Variants in LGI2 observed in about 807,000 individuals in gnomAD.
LGI2 encodes leucine-rich repeat LGI family member 2.
In LGI2, 30 loss-of-function variants were observed where a neutral mutation model predicts 52.0. The ratio of observed to expected loss-of-function variants is 0.58; its 90% CI spans 0.43 to 0.78. LGI2 has a LOEUF of 0.78. LGI2 is among the 30% of genes least tolerant of loss of function. The pLI, the probability that LGI2 is intolerant of heterozygous loss-of-function variation, is 0.00. For synonymous variants in LGI2, 270 were observed against 271.8 expected, an observed-to-expected ratio of 0.99 and a Z score of 0.06; for missense variants, 573 against 692.5, an observed-to-expected ratio of 0.83 and a Z score of 1.94.
chr4:25,004,084 G>A lies in LGI2; in HGVS notation c.1005C>T (p.Asp335=), dbSNP rs770238612. ...KPNDIELFQI[D]DETFFVIADS... is the part of the protein sequence containing the mutation. ...CTGCGATGACAAAGAACGTCTCGTC[G>A]TCGATCTGAAACAGCTCGATGTCAT... Residue 335 remains aspartate, a synonymous_variant, in exon 8 of 8, where the codon GAC becomes GAT. Coordinates refer to ENST00000382114, the MANE Select transcript of LGI2 (RefSeq NM_018176.4). This position sits in a 1 kb window ranked among gnomAD's most constrained non-coding sequence, Gnocchi z 4.6. 49 of 1,613,998 alleles carry A rather than the reference G, an allele frequency of 3.0e-5. No individual in the cohort carries two copies. Among genetic ancestry groups the A allele is most frequent in the Admixed American group, 5.0e-5 (3 of 60,000 alleles).
rs760137894 is a variant in LGI2 at position 25,003,878 on chromosome 4, C to A, written c.1211G>T (p.Ser404Ile). Residue 404 changes from serine (S) to isoleucine (I), a missense_variant, in exon 8 of 8, where the codon AGC becomes ATC. Coordinates refer to ENST00000382114, the MANE Select transcript of LGI2 (RefSeq NM_018176.4). ...QVPIILQWNK[S>I]SKKFVPHGDI... ...ACCATGGGGGACAAACTTCTTAGAG[C>A]TTTTATTCCACTGGAGGATGATGGG... The A allele has an allele frequency of 1.9e-6, 3 of 1,614,158 alleles. No homozygotes were observed. Among genetic ancestry groups the A allele is most frequent in the Non-Finnish European group, 2.5e-6 (3 of 1,180,022 alleles).
At chr4:25,027,031 T>C in intron 2 of LGI2, 92 bp from the exon 3 acceptor site, 1 of 976,170 alleles carries the variant, frequency 1.0e-6, no homozygotes, top group South Asian at 1.3e-5. Flanking sequence ...TTTTGATCTG[T>C]GGGCAAACAT....
At chr4:25,009,886 G>A (rs182717483) in intron 7 of LGI2, among the ~76,000 whole-genome samples, 151 of 152,118 alleles carry the variant, frequency 9.9e-4, no homozygotes, top group African/African-American at 3.3e-3. Context: ...CACCTGCCTC[G>A]GCCTCCCAAA....
intron 1 of LGI2, among the ~76,000 whole-genome samples, chr4:25,030,014 C>T (rs1726276521): frequency 6.6e-6 from 1 of 152,160 alleles, no homozygotes; most frequent in African/African-American, 2.4e-5. Context: ...GAGGCCTCAC[C>T]CTGCCCAGTT....
chr4:25,028,447 G>A lies in LGI2; in HGVS notation c.269+60C>T, dbSNP rs557110609. 5.1e-4 allele frequency: 759 copies of A among 1,484,248 alleles called. 8 individuals are homozygous for A. In the South Asian group the frequency reaches 8.2e-3, roughly 16 times the overall value. The allele number at this position is 1,484,248 out of a possible 1,614,324, so 91.9% of individuals were successfully genotyped here. On this transcript the variant is annotated intron_variant, in intron 2 of 7. Transcript: ENST00000382114. The stretch of plus-strand genomic sequence containing the variant: ...GGCTGATACCAAAGAGGCAGAGACG[G>A]CCCTCCAAGGATGGCACCTCAGGGC...
downstream of LGI2, among the ~76,000 whole-genome samples, chr4:24,998,525 G>A (rs1725145646): frequency 6.6e-6 from 1 of 152,174 alleles, no homozygotes; most frequent in Non-Finnish European, 1.5e-5. Context: ...ACGAAGTCTT[G>A]CAATCTCACT....
chr4:25,026,402 A>G (rs1726153065), intron 3 of LGI2, among the ~76,000 whole-genome samples: 2 of 152,170 alleles, frequency 1.3e-5, no homozygotes, highest in Admixed American at 1.3e-4. Context: ...TTAGACCCTC[A>G]GTAGCAATTC....
intron 7 of LGI2, among the ~76,000 whole-genome samples, chr4:25,006,074 A>G (rs1048033069): frequency 1.3e-5 from 2 of 152,242 alleles, no homozygotes; most frequent in Non-Finnish European, 2.9e-5. Flanking sequence ...TGTCACTATA[A>G]TCACAAGACC....
chr4:25,019,829 C>T (rs898086787), intron 4 of LGI2, among the ~76,000 whole-genome samples: 1 of 152,216 alleles, frequency 6.6e-6, no homozygotes, highest in Non-Finnish European at 1.5e-5. Flanking sequence ...TGGTACACTA[C>T]ATATTTTAAT....
chr4:25,003,165 A>T lies in LGI2; in HGVS notation c.*286T>A, dbSNP rs935249954. 5 of 252,488 alleles carry T rather than the reference A, an allele frequency of 2.0e-5. No homozygotes were observed. Among genetic ancestry groups the T allele is most frequent in the African/African-American group, 1.1e-4 (5 of 44,950 alleles). The allele number at this position is 252,488 out of a possible 1,614,324, so 15.6% of individuals were successfully genotyped here. ...CTTCCTCATCAAAAAGCGGGGGGGA[A>T]GCATATTACATTTCTAGATGATAAG... On this transcript the variant is annotated 3_prime_UTR_variant, in exon 8 of 8. Transcript: ENST00000382114.
intron 4 of LGI2, 118 bp downstream of exon 4, chr4:25,024,701 TG>T: frequency 1.5e-6 from 1 of 646,938 alleles, no homozygotes; most frequent in South Asian, 2.2e-5. Flanking sequence ...AGAAACCTCT[TG>T]AGTAATCTAG....
Position 25,030,639 on chromosome 4 carries a change from C to CCAGCAG in LGI2, c.49_54dup (p.Leu17_Leu18dup), listed in dbSNP as rs761373892. 3.9e-6 allele frequency: 6 copies of CCAGCAG among 1,542,732 alleles called. No homozygotes were observed. The highest frequency in any genetic ancestry group is 2.0e-5 in the Admixed American group (1 of 50,666). ...CTCCGCGGTATCAGGCACGCGGCGCCCAGCAGCAGCAGCAGCAGCCCGAGC... is the reference window on the plus strand; with the variant it reads ...CTCCGCGGTATCAGGCACGCGGCGCCCAGCAGCAGCAGCAGCAGCAGCAGCCCGAGC... On this transcript the variant is annotated inframe_insertion, in exon 1 of 8. Coordinates refer to ENST00000382114, the MANE Select transcript of LGI2 (RefSeq NM_018176.4).
At chr4:25,019,559 C>T (rs1417747221) in intron 4 of LGI2, among the ~76,000 whole-genome samples, 2 of 152,172 alleles carry the variant, frequency 1.3e-5, no homozygotes, top group East Asian at 3.9e-4. Context: ...GCTACCTCCA[C>T]TCTTGCTTAC....
chr4:25,028,620 T>C lies in LGI2; in HGVS notation c.198-42A>G, dbSNP rs753053333. The stretch of plus-strand genomic sequence containing the variant: ...AACAAAAGTAGGCCTAGGTTTCTTT[T>C]AGGAAGTGCCATGCAGGGTGGGTAA... On this transcript the variant is annotated intron_variant, in intron 1 of 7. Coordinates refer to ENST00000382114, the MANE Select transcript of LGI2 (RefSeq NM_018176.4). 43 of 1,558,742 alleles carry C rather than the reference T, an allele frequency of 2.8e-5. 1 individual carries two copies. In the South Asian group the frequency reaches 4.4e-4, roughly 16 times the overall value.
intron 7 of LGI2, among the ~76,000 whole-genome samples, chr4:25,008,742 G>T (rs1301537830): frequency 1.3e-5 from 2 of 152,204 alleles, no homozygotes; most frequent in Non-Finnish European, 2.9e-5. Flanking sequence ...TCAAAAGCCA[G>T]TCTGATGTTG....
intron 6 of LGI2, among the ~76,000 whole-genome samples, chr4:25,014,155 C>T (rs2109413877): frequency 6.6e-6 from 1 of 152,256 alleles, no homozygotes; most frequent in Non-Finnish European, 1.5e-5. Flanking sequence ...CCCGTGACGC[C>T]CATAACTCAC....
At chr4:24,998,398 C>A (rs1013346450), downstream of LGI2, among the ~76,000 whole-genome samples, 2 of 152,130 alleles carry the variant, frequency 1.3e-5, no homozygotes, top group South Asian at 4.1e-4. Flanking sequence ...CCAGATGGGT[C>A]TTAGATGAAG....
downstream of LGI2, among the ~76,000 whole-genome samples, chr4:24,993,934 T>C (rs1027519379): frequency 6.6e-6 from 1 of 152,190 alleles, no homozygotes; most frequent in Non-Finnish European, 1.5e-5. Context: ...TTTTAGTAAG[T>C]AGAGCAGATA....
chr4:25,009,722 G>A (rs745394942), intron 7 of LGI2, among the ~76,000 whole-genome samples: 5 of 151,786 alleles, frequency 3.3e-5, no homozygotes, highest in Non-Finnish European at 7.4e-5. Flanking sequence ...TGCAACCTCC[G>A]CCTCCCGGGT....
Sources: gnomAD v4.1 joint callset for allele counts (sites outside exome capture counted in the v4.1 genomes callset) on GRCh38, gnomAD v4.1.1 for gene constraint, Gnocchi (gnomAD v3.1) non-coding constraint, MANE v1.5 for transcripts, NCBI Gene and HGNC (gene_info 2026-07-23, HGNC 2026-07-21) for gene names.